TMEM71: variants seen among roughly 807,000 people sequenced by gnomAD.
TMEM71 encodes transmembrane protein 71.
TMEM71 carries 44 observed loss-of-function variants against 38.0 expected under a neutral mutation model. The observed-to-expected ratio is 1.16, with a 90% CI of 0.91 to 1.49. The LOEUF (loss-of-function observed/expected upper bound fraction) is 1.49. Among genes scored for constraint, TMEM71 ranks in the 40% most tolerant of loss-of-function variants. TMEM71 has a pLI of 0.00. For synonymous variants in TMEM71, 133 were observed against 122.5 expected (o/e 1.09, Z -0.56); for missense variants, 367 against 348.6 (o/e 1.05, Z -0.42).
intron 3 of TMEM71, among the ~76,000 whole-genome samples, chr8:132,753,611 A>G (rs1828849579): frequency 6.6e-6 from 1 of 151,994 alleles, no homozygotes; most frequent in Non-Finnish European, 1.5e-5. Flanking sequence ...ACAACCCTTC[A>G]CTGAACAAAT....
chr8:132,726,654 C>T (rs1827158804), intron 6 of TMEM71, among the ~76,000 whole-genome samples: 1 of 152,182 alleles, frequency 6.6e-6, no homozygotes, highest in Admixed American at 6.5e-5. Flanking sequence ...AGAGTGGGCT[C>T]TTTCACCTTG....
At chr8:132,748,904 T>G (rs957088818) in intron 4 of TMEM71, among the ~76,000 whole-genome samples, 1 of 152,198 alleles carries the variant, frequency 6.6e-6, no homozygotes, top group South Asian at 2.1e-4. Flanking sequence ...TTGGGAAAAT[T>G]ACTCAACCTC....
intron 5 of TMEM71, among the ~76,000 whole-genome samples, chr8:132,744,378 T>G (rs770857272): frequency 6.6e-6 from 1 of 152,182 alleles, no homozygotes; most frequent in Non-Finnish European, 1.5e-5. Flanking sequence ...AATAACATTG[T>G]GTACACTGAC....
At chr8:132,775,896 C>T in the TMEM71 span, among the ~76,000 whole-genome samples, 1,762 of 152,290 alleles carry the variant, frequency 0.012, 19 homozygotes, top group Non-Finnish European at 0.015. Context: ...CCTTTCCTGC[C>T]TGTCTCGTGC....
At chr8:132,713,486 G>C (rs1446489982) in intron 9 of TMEM71, among the ~76,000 whole-genome samples, 1 of 152,162 alleles carries the variant, frequency 6.6e-6, no homozygotes, top group Non-Finnish European at 1.5e-5. Flanking sequence ...TCGTGCAATA[G>C]GATGGTGCTA....
At chr8:132,721,999 A>G in intron 7 of TMEM71, 41 bp downstream of exon 7, 1 of 1,509,818 alleles carries the variant, frequency 6.6e-7, no homozygotes, top group Non-Finnish European at 9.2e-7. Flanking sequence ...TAGTTTCACT[A>G]ATTATGAAAT....
chr8:132,760,012 A>G (rs1250382749), intron 1 of TMEM71, among the ~76,000 whole-genome samples: 1 of 152,148 alleles, frequency 6.6e-6, no homozygotes, highest in Non-Finnish European at 1.5e-5. Flanking sequence ...TTTGATCAAT[A>G]TTGTACGGGT....
Position 132,746,931 on chromosome 8 carries a change from C to A in TMEM71, c.487+11G>T. 6.3e-7 allele frequency: 1 copy of A among 1,575,922 alleles called. No individual in the cohort carries two copies. ...TAAAATTTTACTATGGAAAGGAGGA[C>A]TCAAACTCACCATTTCCATTGCAAT... On this transcript the variant is annotated intron_variant, in intron 5 of 9. Transcript: ENST00000677595.
chr8:132,712,268 CA>C (rs1424664196), intron 9 of TMEM71, among the ~76,000 whole-genome samples: 2 of 151,944 alleles, frequency 1.3e-5, no homozygotes, highest in Admixed American at 1.3e-4. Context: ...AGTATGTACA[CA>C]AATAATCAAA....
chr8:132,740,953 GACA>G (rs1828001279), intron 5 of TMEM71, among the ~76,000 whole-genome samples: 2 of 152,214 alleles, frequency 1.3e-5, no homozygotes, highest in South Asian at 4.1e-4. Flanking sequence ...AAGGAATGAT[GACA>G]ACGCCACATT....
In TMEM71 at chr8:132,727,943, T is replaced by A; in HGVS notation, c.531A>T (p.Ser177=). ...TCACAGACTCTGCATTCATCTTCCC[T>A]GACTCCCAGTCATCAGTCAGAGAAG... ...DCSSLTDDWE[S]GKMNAESVIT... Residue 177 remains serine (S), a synonymous_variant, in exon 6 of 10, where the codon TCA becomes TCT. Coordinates refer to ENST00000677595, the MANE Select transcript of TMEM71 (RefSeq NM_001382403.1). 2.5e-6 allele frequency: 4 copies of A among 1,613,968 alleles called. No individual in the cohort carries two copies. The highest frequency in any genetic ancestry group is 3.4e-6 in the Non-Finnish European group (4 of 1,179,982).
chr8:132,775,377 G>C, the TMEM71 span: 2 of 366,666 alleles, frequency 5.5e-6, no homozygotes, highest in Non-Finnish European at 9.7e-6. Context: ...GCCGGGGCCC[G>C]GCGTCGCGTC....
rs550807290 is a variant in TMEM71 at position 132,710,738 on chromosome 8, C to T, written c.*229G>A. On this transcript the variant is annotated 3_prime_UTR_variant, in exon 10 of 10. Transcript: ENST00000677595. ...TCCCCGTCCTTTTCCTTTCAACTGC[C>T]GGTGTTTGCAAAGGGAAGGCAAATT... The T allele has an allele frequency of 1.8e-5, 10 of 569,570 alleles. No individual in the cohort carries two copies. The highest frequency in any genetic ancestry group is 7.1e-5 in the South Asian group (3 of 42,006). The allele number at this position is 569,570 out of a possible 1,614,324, so 35.3% of individuals were successfully genotyped here. A position where few individuals can be genotyped will look rare whatever the true frequency, so the allele number is the denominator to read the frequency against.
chr8:132,757,676 A>G (rs1434920322), intron 2 of TMEM71, among the ~76,000 whole-genome samples: 1 of 152,046 alleles, frequency 6.6e-6, no homozygotes, highest in Admixed American at 6.6e-5. Context: ...TATACAAAAA[A>G]TTAGCAGGGC....
intron 6 of TMEM71, among the ~76,000 whole-genome samples, chr8:132,724,794 G>A (rs917710261): frequency 2.0e-5 from 3 of 152,142 alleles, no homozygotes; most frequent in Non-Finnish European, 2.9e-5. Context: ...TTCCTCTGCC[G>A]CAGCTCCAGC....
Position 132,744,455 on chromosome 8 carries a change from A to T in TMEM71, c.487+2487T>A, listed in dbSNP as rs144099720. ...TACAATAGCCACAAAAAATAATATA[A>T]CTGGGAATACCTCTAACCAAGGACA... On this transcript the variant is annotated intron_variant, in intron 5 of 9. Transcript: ENST00000677595. Among the ~76,000 whole-genome samples, 281 of 152,276 alleles carry T rather than the reference A, an allele frequency of 1.8e-3. 2 individuals are homozygous for T. Among genetic ancestry groups the T allele is most frequent in the African/African-American group, 6.4e-3 (264 of 41,556 alleles).
intron 3 of TMEM71, among the ~76,000 whole-genome samples, chr8:132,755,100 T>C (rs1311646386): frequency 6.6e-6 from 1 of 152,212 alleles, no homozygotes; most frequent in Non-Finnish European, 1.5e-5. Context: ...TATATGGTGC[T>C]GGACGCTTAC....
At chr8:132,775,326 A>T in the TMEM71 span, 1 of 343,892 alleles carries the variant, frequency 2.9e-6, no homozygotes, top group Non-Finnish European at 5.2e-6. Flanking sequence ...TCACGTGACA[A>T]GGCCAGGCCC....
rs760289873 is a variant in TMEM71, at chr8:132,747,084, A to G, written c.345T>C (p.His115=). 3.5e-5 allele frequency: 57 copies of G among 1,610,302 alleles called. No individual in the cohort carries two copies. Among genetic ancestry groups the G allele is most frequent in the South Asian group, 2.0e-4 (18 of 90,322 alleles). The change falls in exon 5 of 10, where the codon CAT becomes CAC. Residue 115 remains histidine, a synonymous_variant. Transcript: ENST00000677595. ...RIFRKKKRIC[H]SFSSLFNLST... ...TGAGGTTGAAGAGAGAAGAAAAGGA[A>G]TGGCAGATTCTCTTTTTCTTTCTAA...
Sources: gnomAD v4.1 joint callset for allele counts (sites outside exome capture counted in the v4.1 genomes callset) on GRCh38, gnomAD v4.1.1 for gene constraint, MANE v1.5 for transcripts, NCBI Gene and HGNC (gene_info 2026-07-23, HGNC 2026-07-21) for gene names.